The following RIMS1 variants were observed in gnomAD, a reference collection of about 807,000 sequenced individuals.
The protein encoded by RIMS1 is regulating synaptic membrane exocytosis protein 1.
RIMS1 carries 83 observed loss-of-function variants against 214.1 expected under a neutral mutation model. That is an observed-to-expected ratio of 0.39 (90% CI 0.32 to 0.47). The LOEUF (loss-of-function observed/expected upper bound fraction) is 0.47, where lower values mean the gene tolerates loss of function less well. Among genes scored for constraint, RIMS1 ranks in the 20% least tolerant of loss-of-function variants. RIMS1 has a pLI of 0.99. For synonymous variants in RIMS1, 793 were observed against 786.8 expected (o/e 1.01, Z -0.13); for missense variants, 2,050 against 2,161.8 (o/e 0.95, Z 1.03).
chr6:72,217,826 C>T (rs144267145), intron 6 of RIMS1, among the ~76,000 whole-genome samples: 113 of 152,256 alleles, frequency 7.4e-4, no homozygotes, highest in African/African-American at 2.6e-3. Context: ...GAGCCCAAGA[C>T]ACAAAGAAGG....
chr6:72,384,215 C>T (rs945614915), intron 29 of RIMS1, among the ~76,000 whole-genome samples: 10 of 152,130 alleles, frequency 6.6e-5, no homozygotes, highest in African/African-American at 9.7e-5. Flanking sequence ...AGCTCTACTA[C>T]CACACATCTT....
intron 1 of RIMS1, among the ~76,000 whole-genome samples, chr6:71,908,070 T>G (rs1582315401): frequency 6.6e-6 from 1 of 152,184 alleles, no homozygotes; most frequent in Admixed American, 6.5e-5. Flanking sequence ...TTTACCTTTT[T>G]GGATTCTTGG....
chr6:72,396,867 G>A (rs910148447), intron 31 of RIMS1, among the ~76,000 whole-genome samples: 2 of 152,020 alleles, frequency 1.3e-5, no homozygotes, highest in African/African-American at 2.4e-5. Flanking sequence ...ACAAAATATA[G>A]CCAGGCATGG....
chr6:72,097,588 A>T (rs2032172670), intron 3 of RIMS1, among the ~76,000 whole-genome samples: 1 of 152,252 alleles, frequency 6.6e-6, no homozygotes, highest in Non-Finnish European at 1.5e-5. Flanking sequence ...AATGTCATAT[A>T]TTAAGCAATG....
intron 29 of RIMS1, among the ~76,000 whole-genome samples, chr6:72,347,269 A>G (rs1469862383): frequency 2.0e-5 from 3 of 151,886 alleles, no homozygotes; most frequent in Admixed American, 6.6e-5. Flanking sequence ...TGGGGGCTCA[A>G]GGACCAAGTC....
At chr6:71,960,231 C>T (rs1471808882) in intron 1 of RIMS1, among the ~76,000 whole-genome samples, 6 of 151,920 alleles carry the variant, frequency 3.9e-5, no homozygotes, top group Non-Finnish European at 7.4e-5. Context: ...TCAATGAAGT[C>T]GGTGATTGTT....
At position 72,009,597 on chromosome 6, in the gene RIMS1, A is replaced by G. The variant is rs1809485054; in HGVS notation, c.245+40534A>G. On this transcript the variant is annotated intron_variant, in intron 2 of 33. Coordinates refer to ENST00000521978, the MANE Select transcript of RIMS1 (RefSeq NM_014989.7). ...CGCTAGCAAGACTAATAAAGAAAAA[A>G]AGAGAGAAGAATCAAATAGACTCAA... 4.6e-5 allele frequency among the ~76,000 whole-genome samples: 7 copies of G among 152,208 alleles called. No homozygotes were observed. In the South Asian group the frequency reaches 1.5e-3, roughly 32 times the overall value.
In RIMS1 at chr6:72,356,026, A is replaced by G. The variant is rs768142759; in HGVS notation, c.4366+22191A>G. 1.1e-3 allele frequency among the ~76,000 whole-genome samples: 164 copies of G among 152,158 alleles called. 2 individuals are homozygous for G. The highest frequency in any genetic ancestry group is 4.1e-4 in the Non-Finnish European group (28 of 68,026). ...CATCATTGACGTAATTCTTCCACATAATCTGGAAGGTGATTCCAGTCTACT... is the reference window on the plus strand; with the variant it reads ...CATCATTGACGTAATTCTTCCACATGATCTGGAAGGTGATTCCAGTCTACT... On this transcript the variant is annotated intron_variant, in intron 29 of 33. Transcript: ENST00000521978.
intron 4 of RIMS1, among the ~76,000 whole-genome samples, chr6:72,131,538 T>TGTACC (rs143155067): frequency 0.048 from 7,195 of 151,362 alleles, 224 homozygotes; most frequent in Middle Eastern, 0.078. Context: ...GGGGAGGGAG[T>TGTACC]GTACCGATAG....
At chr6:72,040,933 C>G (rs1821264639) in intron 2 of RIMS1, among the ~76,000 whole-genome samples, 1 of 151,746 alleles carries the variant, frequency 6.6e-6, no homozygotes, top group Non-Finnish European at 1.5e-5. Flanking sequence ...CTACAACCCC[C>G]CAAAAGCCTA....
intron 4 of RIMS1, among the ~76,000 whole-genome samples, chr6:72,154,187 G>A (rs1250483561): frequency 2.1e-5 from 2 of 95,676 alleles, no homozygotes; most frequent in African/African-American, 5.6e-5. Context: ...ATAATTACAT[G>A]TGGAAAAAGT....
Position 72,285,928 on chromosome 6 carries a change from T to G in RIMS1, c.3554+1810T>G, listed in dbSNP as rs2092144448. 1.3e-5 allele frequency among the ~76,000 whole-genome samples: 2 copies of G among 152,200 alleles called. 1 individual carries two copies. ...AAATACTAGTTGAGTCTGGTCATGG[T>G]GGCTCACACCTGTAATACCAGCACT... is the stretch of plus-strand genomic sequence containing the variant. On this transcript the variant is annotated intron_variant, in intron 24 of 33. Coordinates refer to ENST00000521978, the MANE Select transcript of RIMS1 (RefSeq NM_014989.7).
intron 29 of RIMS1, among the ~76,000 whole-genome samples, chr6:72,382,696 A>G (rs1052310787): frequency 6.6e-5 from 10 of 152,300 alleles, no homozygotes; most frequent in South Asian, 2.1e-4. Context: ...TTCAATCACC[A>G]TTAAATTAAC....
chr6:72,338,224 C>G (rs1486409418), intron 29 of RIMS1, among the ~76,000 whole-genome samples: 1 of 151,770 alleles, frequency 6.6e-6, no homozygotes, highest in East Asian at 1.9e-4. Context: ...AAAAGTGTTC[C>G]TATTTCTCCA....
At chr6:72,123,695 C>T (rs554781991) in intron 4 of RIMS1, among the ~76,000 whole-genome samples, 2 of 151,856 alleles carry the variant, frequency 1.3e-5, no homozygotes, top group Non-Finnish European at 2.9e-5. Flanking sequence ...GTTAGCTCTT[C>T]TTGTTGAATT....
At chr6:71,988,065 GT>G (rs551581264) in intron 2 of RIMS1, among the ~76,000 whole-genome samples, 27 of 147,280 alleles carry the variant, frequency 1.8e-4, no homozygotes, top group South Asian at 1.3e-3. Context: ...GACTGCTGGA[GT>G]TTTTTTTTTT....
intron 4 of RIMS1, among the ~76,000 whole-genome samples, chr6:72,171,815 A>G (rs1212258370): frequency 1.3e-5 from 2 of 152,218 alleles, no homozygotes. Flanking sequence ...AAATGAGTGT[A>G]GTTCCCTAAC....
intron 29 of RIMS1, among the ~76,000 whole-genome samples, chr6:72,340,909 C>T (rs1448818445): frequency 1.3e-5 from 2 of 152,050 alleles, no homozygotes; most frequent in South Asian, 2.1e-4. Context: ...TTCTTCCTAT[C>T]CATGAGCATG....
chr6:72,118,246 G>C (rs1324377837), intron 4 of RIMS1, among the ~76,000 whole-genome samples: 1 of 151,132 alleles, frequency 6.6e-6, no homozygotes, highest in Non-Finnish European at 1.5e-5. Context: ...ACCCAGAACA[G>C]ATCAATAACA....
Sources: gnomAD v4.1 joint callset for allele counts (sites outside exome capture counted in the v4.1 genomes callset) on GRCh38, gnomAD v4.1.1 for gene constraint, MANE v1.5 for transcripts, NCBI Gene and HGNC (gene_info 2026-07-23, HGNC 2026-07-21) for gene names.